Variants in RBM46 observed in about 807,000 individuals in gnomAD.
The protein encoded by RBM46 is probable RNA-binding protein 46.
Under a neutral mutation model 43.3 loss-of-function variants are expected in RBM46, and 12 were observed. The observed-to-expected ratio is 0.28, with a 90% confidence interval of 0.18 to 0.45. RBM46 has a LOEUF of 0.45. RBM46 is among the 20% of genes least tolerant of loss of function. RBM46 has a pLI of 1.00. For synonymous variants in RBM46, 205 were observed against 207.6 expected (o/e 0.99, Z 0.11); for missense variants, 412 against 639.1 (o/e 0.64, Z 3.83).
intron 4 of RBM46, among the ~76,000 whole-genome samples, chr4:154,813,019 CTG>C (rs1735257424): frequency 6.6e-6 from 1 of 152,046 alleles, no homozygotes; most frequent in African/African-American, 2.4e-5. Flanking sequence ...AGCCAGTGGA[CTG>C]TATGATTTGT....
intron 4 of RBM46, chr4:154,820,453 G>T (rs993158692): frequency 1.7e-6 from 2 of 1,209,900 alleles, no homozygotes; most frequent in South Asian, 2.9e-5. Flanking sequence ...ACTCTCTTAG[G>T]AATATTAAGT....
intron 1 of RBM46, among the ~76,000 whole-genome samples, chr4:154,796,500 T>C (rs1432734765): frequency 6.6e-6 from 1 of 152,232 alleles, no homozygotes; most frequent in Non-Finnish European, 1.5e-5. Context: ...TTTCATTGTT[T>C]GTGTCCCTTT....
intron 4 of RBM46, among the ~76,000 whole-genome samples, chr4:154,825,353 A>T (rs947679766): frequency 6.6e-6 from 1 of 152,190 alleles, no homozygotes; most frequent in Non-Finnish European, 1.5e-5. Flanking sequence ...GGTTCATCCC[A>T]CTAAGCATTT....
chr4:154,818,130 C>T (rs960207851), intron 4 of RBM46, among the ~76,000 whole-genome samples: 1 of 151,996 alleles, frequency 6.6e-6, no homozygotes. Context: ...TAGTTATAAT[C>T]GTTTTTATAC....
chr4:154,790,978 G>T lies in RBM46; in HGVS notation c.-11-5764G>T, dbSNP rs1271154785. Among the ~76,000 whole-genome samples the T allele has an allele frequency of 3.3e-5, 5 of 152,178 alleles. No homozygotes were observed. The South Asian group carries it at 8.3e-4, about 25-fold the overall frequency. On this transcript the variant is annotated intron_variant, in intron 1 of 4. Transcript: ENST00000281722. ...GCATGCAGCTTTGTAGAACACCATT[G>T]TGCTGTTTATCTGTATTGCTGGAGT...
intron 4 of RBM46, among the ~76,000 whole-genome samples, chr4:154,822,361 AAAATTTCATTTTAAAG>A (rs146110994): frequency 0.02 from 3,057 of 151,796 alleles, 120 homozygotes; most frequent in African/African-American, 0.07. Context: ...TAGATAATTT[AAAATTTCATTTTAAAG>A]AAATTTCATT....
Position 154,809,815 on chromosome 4 carries a change from G to A in RBM46, c.1402+10251G>A, listed in dbSNP as rs181165099. On this transcript the variant is annotated intron_variant, in intron 4 of 4. Coordinates refer to ENST00000281722, the MANE Select transcript of RBM46 (RefSeq NM_144979.5). Reference sequence around the variant, plus strand: ...CTGCCTCATTCCACAAAAGATTTGAGGTGGCTCCTTAAAAATATGTAAAAT... The same window carrying A: ...CTGCCTCATTCCACAAAAGATTTGAAGTGGCTCCTTAAAAATATGTAAAAT... Among the ~76,000 whole-genome samples the A allele has an allele frequency of 2.0e-5, 3 of 152,142 alleles. No individual in the cohort carries two copies. The East Asian group carries it at 5.8e-4, about 29-fold the overall frequency.
chr4:154,801,507 A>T (rs73855232), intron 4 of RBM46, among the ~76,000 whole-genome samples: 1 of 152,162 alleles, frequency 6.6e-6, no homozygotes, highest in African/African-American at 2.4e-5. Context: ...AAATAATTCA[A>T]ATTAAGTTTC....
At chr4:154,807,407 C>G (rs1457301489) in intron 4 of RBM46, among the ~76,000 whole-genome samples, 1 of 151,654 alleles carries the variant, frequency 6.6e-6, no homozygotes, top group Non-Finnish European at 1.5e-5. Flanking sequence ...GCCTATCATG[C>G]CCTTATCTCT....
chr4:154,810,608 T>G (rs1408142630), intron 4 of RBM46, among the ~76,000 whole-genome samples: 1 of 152,188 alleles, frequency 6.6e-6, no homozygotes, highest in Non-Finnish European at 1.5e-5. Context: ...GATTATGGCT[T>G]AATATAAGTC....
intron 1 of RBM46, among the ~76,000 whole-genome samples, chr4:154,787,738 A>G (rs955134963): frequency 6.6e-6 from 1 of 152,176 alleles, no homozygotes; most frequent in African/African-American, 2.4e-5. Context: ...TTCTAGTTCT[A>G]GATCCTTGAG....
intron 4 of RBM46, chr4:154,826,738 C>CTTTTTT: frequency 4.0e-6 from 4 of 998,976 alleles, no homozygotes; most frequent in Admixed American, 6.1e-5. Context: ...TTTCATTTTT[C>CTTTTTT]CTTTTTTTTT....
chr4:154,793,426 C>T (rs1324939295), intron 1 of RBM46, among the ~76,000 whole-genome samples: 1 of 152,108 alleles, frequency 6.6e-6, no homozygotes, highest in East Asian at 1.9e-4. Flanking sequence ...TAGCTATTAT[C>T]AAATTTTCCT....
intron 4 of RBM46, among the ~76,000 whole-genome samples, chr4:154,814,985 C>T (rs1229760045): frequency 3.9e-5 from 6 of 151,920 alleles, no homozygotes. Flanking sequence ...TACCAACACT[C>T]CAAAAGACTC....
Position 154,799,219 on chromosome 4 carries a change from C to G in RBM46, c.1057C>G (p.Arg353Gly). The G allele has an allele frequency of 6.2e-7, 1 of 1,614,118 alleles. No individual in the cohort carries two copies. Among genetic ancestry groups the G allele is most frequent in the Non-Finnish European group, 8.5e-7 (1 of 1,179,996 alleles). ...AGGCAAGCTGCCAACTCTTCCTGCT[C>G]GTCTCAATGGTCAGCATAGCCCAAG... ...TLGKLPTLPA[R>G]LNGQHSPSPP... is the part of the protein sequence containing the mutation. The change falls in exon 4 of 5, where the codon CGT becomes GGT. Residue 353 changes from arginine (R) to glycine (G), a missense_variant. Physicochemically the swap from Arg to Gly is moderately radical, Grantham distance 125. This residue lies in a region of RBM46 where 105 missense variants were observed against 111.0 expected (regional missense o/e 0.95). Coordinates refer to ENST00000281722, the MANE Select transcript of RBM46 (RefSeq NM_144979.5).
chr4:154,792,053 G>C (rs556055937), intron 1 of RBM46, among the ~76,000 whole-genome samples: 1 of 152,244 alleles, frequency 6.6e-6, no homozygotes, highest in African/African-American at 2.4e-5. Flanking sequence ...AAATCACATA[G>C]CTTTTCAGAG....
At chr4:154,783,631 A>G (rs1733615145) in intron 1 of RBM46, among the ~76,000 whole-genome samples, 1 of 152,264 alleles carries the variant, frequency 6.6e-6, no homozygotes, top group Admixed American at 6.5e-5. Flanking sequence ...AAGAATATGT[A>G]GATATCTTTA....
At chr4:154,809,280 G>C (rs1735064446) in intron 4 of RBM46, among the ~76,000 whole-genome samples, 3 of 151,772 alleles carry the variant, frequency 2.0e-5, no homozygotes, top group Non-Finnish European at 4.4e-5. Flanking sequence ...GGATGGACAG[G>C]GTTTTCATCA....
intron 4 of RBM46, among the ~76,000 whole-genome samples, chr4:154,819,355 A>G (rs1242154367): frequency 6.6e-6 from 1 of 152,054 alleles, no homozygotes; most frequent in South Asian, 2.1e-4. Flanking sequence ...TTGTCTTCCT[A>G]GCTTCATTTG....
Sources: allele counts gnomAD v4.1 joint callset (sites outside exome capture counted in the v4.1 genomes callset), GRCh38; gene constraint gnomAD v4.1.1; regional missense constraint gnomAD v4.1.1; transcripts MANE v1.5; gene names NCBI Gene and HGNC (gene_info 2026-07-23, HGNC 2026-07-21).